PWWP2A: variants seen among roughly 807,000 people sequenced by gnomAD.
PWWP2A encodes the protein PWWP domain-containing protein 2A.
In PWWP2A, 18 loss-of-function variants were observed where a neutral mutation model predicts 48.5. The observed-to-expected ratio is 0.37, with a 90% confidence interval of 0.26 to 0.55. The LOEUF (loss-of-function observed/expected upper bound fraction) is 0.55. Ranked by LOEUF, PWWP2A falls within the 20% of genes least tolerant of loss-of-function variation. The probability of loss-of-function intolerance (pLI) is 0.81; values close to 1 mark genes in which losing one functional copy is unlikely to be tolerated. For missense variants in PWWP2A, 867 were observed against 976.4 expected (o/e 0.89, Z 1.49); for synonymous variants, 396 against 387.7 (o/e 1.02, Z -0.25).
chr5:160,085,846 T>C (rs1406514405), intron 2 of PWWP2A, among the ~76,000 whole-genome samples: 2 of 143,792 alleles, frequency 1.4e-5, no homozygotes, highest in Non-Finnish European at 3.0e-5. Context: ...TGAGATGGAG[T>C]CTCACTCTGT....
downstream of PWWP2A, chr5:160,089,934 A>C: frequency 2.0e-6 from 2 of 985,272 alleles, no homozygotes; most frequent in Non-Finnish European, 2.4e-6. Flanking sequence ...AATTTATCTA[A>C]GACATTTCCA....
At position 160,119,230 on chromosome 5, in the gene PWWP2A, C is replaced by T. The variant is rs758712476; in HGVS notation, c.159G>A (p.Glu53=). 3 of 1,435,656 alleles carry T rather than the reference C, an allele frequency of 2.1e-6. No individual in the cohort carries two copies. Among genetic ancestry groups the T allele is most frequent in the East Asian group, 2.8e-5 (1 of 35,602 alleles). 88.9% of individuals were successfully genotyped at this position (1,435,656 alleles called of 1,614,324 possible). A position where few individuals can be genotyped will look rare whatever the true frequency, so the allele number is the denominator to read the frequency against. Residue 53 remains glutamate (E), a synonymous_variant, in exon 1 of 2, where the codon GAG becomes GAA. Transcript: ENST00000307063. ...TATEASVPDG[E]TDGQQSAPQA... is the part of the protein sequence containing the mutation. ...GAGGAGCGGATTGCTGCCCGTCAGT[C>T]TCGCCATCCGGCACAGACGCTTCAG...
the PWWP2A span, among the ~76,000 whole-genome samples, chr5:160,044,388 T>C: frequency 6.6e-6 from 1 of 152,158 alleles, no homozygotes; most frequent in East Asian, 1.9e-4. Context: ...AGAGCAGCAA[T>C]GTGGGCTGCT....
intron 1 of PWWP2A, among the ~76,000 whole-genome samples, chr5:160,114,997 C>T (rs918979908): frequency 5.3e-5 from 8 of 151,746 alleles, no homozygotes; most frequent in African/African-American, 1.9e-4. Flanking sequence ...ATTAGCCAGG[C>T]GTGCTGGCAT....
downstream of PWWP2A, among the ~76,000 whole-genome samples, chr5:160,086,535 T>G (rs73311134): frequency 1.3e-5 from 2 of 151,990 alleles, no homozygotes; most frequent in African/African-American, 4.8e-5. Flanking sequence ...AATATATATA[T>G]ATATACACAC....
downstream of PWWP2A, among the ~76,000 whole-genome samples, chr5:160,075,533 G>T (rs1753849053): frequency 6.6e-6 from 1 of 152,074 alleles, no homozygotes; most frequent in African/African-American, 2.4e-5. Flanking sequence ...ATAAGGGCAG[G>T]ATTCCTTAAA....
the PWWP2A span, among the ~76,000 whole-genome samples, chr5:160,045,695 G>A: frequency 6.6e-6 from 1 of 151,774 alleles, no homozygotes; most frequent in Non-Finnish European, 1.5e-5. Context: ...AAGTAGCTGG[G>A]ACTACAGGTG....
chr5:160,102,769 G>T (rs891083209), intron 1 of PWWP2A, among the ~76,000 whole-genome samples: 1 of 152,122 alleles, frequency 6.6e-6, no homozygotes, highest in East Asian at 1.9e-4. Context: ...GTGGTGTTCC[G>T]AGAACACAAC....
chr5:160,103,769 C>G (rs561191206), intron 1 of PWWP2A, among the ~76,000 whole-genome samples: 1 of 152,138 alleles, frequency 6.6e-6, no homozygotes, highest in African/African-American at 2.4e-5. Flanking sequence ...GGTGAGTGTG[C>G]CTGAGTGGAG....
rs554873236 is a variant in PWWP2A at position 160,119,344 on chromosome 5, G to A, written c.45C>T (p.Pro15=). ...AAEAAATAAS[P]GEGGAGEAEP... is the part of the protein sequence containing the mutation. ...CGGCCTCGCCGGCGCCCCCCTCCCC[G>A]GGGGACGCTGCAGTCGCTGCCGCCT... The change falls in exon 1 of 2, where the codon CCC becomes CCT. Residue 15 remains proline (P), a synonymous_variant. Transcript: ENST00000307063. 3.9e-6 allele frequency: 5 copies of A among 1,292,298 alleles called. No individual in the cohort carries two copies. Among genetic ancestry groups the A allele is most frequent in the East Asian group, 3.4e-5 (1 of 28,998 alleles). The allele number at this position is 1,292,298 out of a possible 1,614,324, so 80.1% of individuals were successfully genotyped here.
At chr5:160,050,003 G>A in the PWWP2A span, among the ~76,000 whole-genome samples, 3 of 152,150 alleles carry the variant, frequency 2.0e-5, no homozygotes, top group African/African-American at 7.2e-5. Flanking sequence ...AACCCAGAAG[G>A]CAGAGGTTGC....
the PWWP2A span, among the ~76,000 whole-genome samples, chr5:160,048,139 T>G: frequency 7.7e-6 from 1 of 129,434 alleles, no homozygotes; most frequent in Non-Finnish European, 1.6e-5. Context: ...TTTTTTTTTT[T>G]TTTTTTTTTT....
chr5:160,109,769 AAAAAAATATATATATATAT>A (rs1377189434), intron 1 of PWWP2A, among the ~76,000 whole-genome samples: 14 of 65,804 alleles, frequency 2.1e-4, no homozygotes, highest in African/African-American at 7.7e-4. Flanking sequence ...AAAAAAAAAA[AAAAAAATATATATATATAT>A]ATATATATAT....
At position 160,092,744 on chromosome 5, in the gene PWWP2A, T is replaced by C. The variant is rs1344389175; in HGVS notation, c.1906A>G (p.Lys636Glu). 6.4e-7 allele frequency: 1 copy of C among 1,551,678 alleles called. No homozygotes were observed. The highest frequency in any genetic ancestry group is 1.2e-5 in the South Asian group (1 of 84,060). ...EKKLSNSLKM[K>E]VFSKNVSKCV... Reference sequence around the variant, plus strand: ...TTAGAGACGTTTTTGGAAAAGACTTTCATTTTCAAGGAATTACTGAGCTTT... The same window carrying C: ...TTAGAGACGTTTTTGGAAAAGACTTCCATTTTCAAGGAATTACTGAGCTTT... Residue 636 changes from lysine (K) to glutamate (E), a missense_variant, in exon 2 of 2, where the codon AAA (lysine) becomes GAA (glutamate). Around this residue, in one of 4 missense-constraint regions of PWWP2A, gnomAD observed 382 missense variants for 407.2 expected, o/e 0.94. Coordinates refer to ENST00000307063, the MANE Select transcript of PWWP2A (RefSeq NM_001130864.2).
chr5:160,061,060 T>C (rs1753373001), downstream of PWWP2A, among the ~76,000 whole-genome samples: 1 of 152,250 alleles, frequency 6.6e-6, no homozygotes, highest in African/African-American at 2.4e-5. Flanking sequence ...AGTGGCCTCC[T>C]GTGGCACGGG....
At chr5:160,056,258 A>G in the PWWP2A span, among the ~76,000 whole-genome samples, 1 of 152,190 alleles carries the variant, frequency 6.6e-6, no homozygotes, top group African/African-American at 2.4e-5. Flanking sequence ...TCTGGCACAC[A>G]TGTGGGCCTT....
chr5:160,065,597 T>G (rs1290566637), intron 4 of PWWP2A: 1 of 334,690 alleles, frequency 3.0e-6, no homozygotes, highest in African/African-American at 2.2e-5. Context: ...GGCAGAAGCC[T>G]TCTCTGGCTT....
chr5:160,108,377 C>T (rs1032858402), intron 1 of PWWP2A, among the ~76,000 whole-genome samples: 1 of 152,230 alleles, frequency 6.6e-6, no homozygotes, highest in Non-Finnish European at 1.5e-5. Context: ...TGCCTCTTCT[C>T]TGTTTCACTG....
intron 1 of PWWP2A, 83 bp downstream of exon 1, chr5:160,118,722 G>A: frequency 7.8e-7 from 1 of 1,280,498 alleles, no homozygotes; most frequent in Non-Finnish European, 1.0e-6. Flanking sequence ...GGGAAGCGAG[G>A]GCTCGGGGAG....
Sources: allele counts gnomAD v4.1 joint callset (sites outside exome capture counted in the v4.1 genomes callset), GRCh38; gene constraint gnomAD v4.1.1; regional missense constraint gnomAD v4.1.1; transcripts MANE v1.5; gene names NCBI Gene and HGNC (gene_info 2026-07-23, HGNC 2026-07-21).